HPSE2: variants seen among roughly 807,000 people sequenced by gnomAD.
The protein encoded by HPSE2 is heparanase 2 (inactive).
HPSE2 carries 38 observed loss-of-function variants against 60.5 expected under a neutral mutation model. The observed-to-expected ratio is 0.63, with a 90% CI of 0.48 to 0.82. The LOEUF (loss-of-function observed/expected upper bound fraction) is 0.82. HPSE2 is among the 40% of genes least tolerant of loss of function. The probability of loss-of-function intolerance (pLI) is 0.00; values close to 1 mark genes in which losing one functional copy is unlikely to be tolerated. For missense variants in HPSE2, 713 were observed against 740.4 expected (o/e 0.96, Z 0.43); for synonymous variants, 295 against 293.2 (o/e 1.01, Z -0.06).
chr10:98,999,214 GA>G (rs1956722075), intron 3 of HPSE2, among the ~76,000 whole-genome samples: 1 of 149,976 alleles, frequency 6.7e-6, no homozygotes, highest in Non-Finnish European at 1.5e-5. Flanking sequence ...TGTAAAGAGA[GA>G]AAAAGAGAGA....
At chr10:99,008,429 G>T (rs186903707) in intron 3 of HPSE2, among the ~76,000 whole-genome samples, 96 of 152,174 alleles carry the variant, frequency 6.3e-4, no homozygotes, top group Non-Finnish European at 1.1e-3. Flanking sequence ...AAAATGAGAG[G>T]CCAAAAGGAA....
chr10:98,928,988 T>TA (rs1554844603), intron 3 of HPSE2, among the ~76,000 whole-genome samples: 5 of 130,956 alleles, frequency 3.8e-5, no homozygotes, highest in East Asian at 2.1e-4. Context: ...TAAAGTATAA[T>TA]AATAAATAAA....
At chr10:99,306,104 C>T in the HPSE2 span, among the ~76,000 whole-genome samples, 1 of 151,390 alleles carries the variant, frequency 6.6e-6, no homozygotes, top group South Asian at 2.1e-4. Flanking sequence ...GTGCTAGAGA[C>T]TTATGGGACA....
At chr10:98,872,295 G>A (rs957438925) in intron 3 of HPSE2, among the ~76,000 whole-genome samples, 1 of 152,036 alleles carries the variant, frequency 6.6e-6, no homozygotes, top group Admixed American at 6.6e-5. Context: ...TAGAATGAAT[G>A]TCTCCCTTCC....
chr10:99,255,761 C>A, the HPSE2 span, among the ~76,000 whole-genome samples: 1 of 152,234 alleles, frequency 6.6e-6, no homozygotes, highest in Non-Finnish European at 1.5e-5. Flanking sequence ...TGAATGATTT[C>A]ACCCTGCTAT....
At chr10:98,925,712 T>G (rs545028515) in intron 3 of HPSE2, among the ~76,000 whole-genome samples, 2 of 152,282 alleles carry the variant, frequency 1.3e-5, no homozygotes, top group South Asian at 2.1e-4. Context: ...GACACAAATT[T>G]TTTATGACAT....
At chr10:99,237,422 G>A (rs574793047), upstream of HPSE2, among the ~76,000 whole-genome samples, 19 of 152,202 alleles carry the variant, frequency 1.2e-4, 1 homozygote, top group African/African-American at 4.3e-4. Flanking sequence ...CCCAGACCAG[G>A]ATTAACAAAT....
intron 3 of HPSE2, among the ~76,000 whole-genome samples, chr10:98,889,536 C>T (rs1286049996): frequency 6.6e-6 from 1 of 152,010 alleles, no homozygotes; most frequent in African/African-American, 2.4e-5. Flanking sequence ...CTTGGGCTAG[C>T]TCTGCAAAAT....
At chr10:98,952,141 T>C (rs1298409819) in intron 3 of HPSE2, among the ~76,000 whole-genome samples, 35 of 152,326 alleles carry the variant, frequency 2.3e-4, no homozygotes, top group Non-Finnish European at 5.9e-5. Flanking sequence ...TGTTTTTCAC[T>C]TGTCATGGTC....
chr10:98,621,603 T>C (rs1387020833), intron 7 of HPSE2, among the ~76,000 whole-genome samples: 1 of 152,196 alleles, frequency 6.6e-6, no homozygotes, highest in African/African-American at 2.4e-5. Flanking sequence ...CATTTTCAAA[T>C]TGACAACCAT....
intron 3 of HPSE2, among the ~76,000 whole-genome samples, chr10:98,889,370 T>C (rs1371016007): frequency 6.6e-6 from 1 of 151,552 alleles, no homozygotes; most frequent in Non-Finnish European, 1.5e-5. Flanking sequence ...TTTTCTTTTT[T>C]TTTTTTTTGT....
intron 3 of HPSE2, among the ~76,000 whole-genome samples, chr10:99,039,999 C>T (rs186117361): frequency 4.9e-4 from 75 of 152,224 alleles, no homozygotes; most frequent in Admixed American, 1.2e-3. Context: ...ACTGCTGTTG[C>T]CTGTATAATA....
At chr10:99,276,880 A>T in the HPSE2 span, among the ~76,000 whole-genome samples, 12 of 152,244 alleles carry the variant, frequency 7.9e-5, no homozygotes, top group South Asian at 2.1e-4. Flanking sequence ...CTATAATAAT[A>T]TTTGAGCATA....
chr10:99,266,907 C>T, the HPSE2 span, among the ~76,000 whole-genome samples: 1 of 152,140 alleles, frequency 6.6e-6, no homozygotes, highest in Non-Finnish European at 1.5e-5. Context: ...ATAACAATCA[C>T]TACAGTTCAG....
At chr10:98,898,844 T>C (rs748263932) in intron 3 of HPSE2, among the ~76,000 whole-genome samples, 2 of 152,102 alleles carry the variant, frequency 1.3e-5, no homozygotes, top group Non-Finnish European at 2.9e-5. Context: ...TAAACAAAAC[T>C]TATTTGGAAA....
At chr10:98,818,546 T>C (rs1415626687) in intron 3 of HPSE2, among the ~76,000 whole-genome samples, 1 of 152,142 alleles carries the variant, frequency 6.6e-6, no homozygotes, top group African/African-American at 2.4e-5. Flanking sequence ...AGTACCCCTC[T>C]GTGGCCCAGG....
At chr10:98,627,656 A>T (rs534079992) in intron 7 of HPSE2, among the ~76,000 whole-genome samples, 1 of 152,360 alleles carries the variant, frequency 6.6e-6, no homozygotes, top group East Asian at 1.9e-4. Flanking sequence ...AATCAGAATC[A>T]TATCTGCCTT....
chr10:98,762,773 T>C (rs1045821042), intron 3 of HPSE2, among the ~76,000 whole-genome samples: 2 of 152,104 alleles, frequency 1.3e-5, no homozygotes, highest in Non-Finnish European at 2.9e-5. Flanking sequence ...CAGAATATGA[T>C]TCATATTAAG....
chr10:99,302,459 T>C, the HPSE2 span, among the ~76,000 whole-genome samples: 3 of 152,272 alleles, frequency 2.0e-5, no homozygotes, highest in Non-Finnish European at 4.4e-5. Flanking sequence ...GGAAATGCTC[T>C]GGCTGACAGA....
Sources: allele counts gnomAD v4.1 joint callset (sites outside exome capture counted in the v4.1 genomes callset), GRCh38; gene constraint gnomAD v4.1.1; transcripts MANE v1.5; gene names NCBI Gene and HGNC (gene_info 2026-07-23, HGNC 2026-07-21).